Variants in NLGN4X observed in about 807,000 individuals in gnomAD.
The protein encoded by NLGN4X is neuroligin 4 X-linked.
In NLGN4X, 3 loss-of-function variants were observed where a neutral mutation model predicts 40.3. The ratio of observed to expected loss-of-function variants is 0.07; its 90% CI spans 0.03 to 0.19. The LOEUF (loss-of-function observed/expected upper bound fraction) is 0.19. Ranked by LOEUF, NLGN4X falls within the 10% of genes least tolerant of loss-of-function variation. The pLI, the probability that NLGN4X is intolerant of heterozygous loss-of-function variation, is 1.00. For missense variants in NLGN4X, 382 were observed against 708.3 expected (o/e 0.54, Z 5.23); for synonymous variants, 270 against 306.8 (o/e 0.88, Z 1.25).
At chrX:6,067,366 T>C (rs1230277966) in intron 2 of NLGN4X, among the ~76,000 whole-genome samples, 1 of 111,021 alleles carries the variant, frequency 9.0e-6, no homozygotes, top group Non-Finnish European at 1.9e-5. Flanking sequence ...GTTTTTCTCT[T>C]TTCCTCTACC....
At chrX:6,192,109 G>A (rs1001174782) in intron 1 of NLGN4X, among the ~76,000 whole-genome samples, 1 of 111,020 alleles carries the variant, frequency 9.0e-6, no homozygotes, top group Non-Finnish European at 1.9e-5. Context: ...GGCACTGAGC[G>A]TTGCATAGAC....
At chrX:6,210,895 C>T (rs1924548038) in intron 1 of NLGN4X, among the ~76,000 whole-genome samples, 1 of 112,251 alleles carries the variant, frequency 8.9e-6, no homozygotes, top group African/African-American at 3.2e-5. Flanking sequence ...TACAGAGGAA[C>T]TACTGTTGAT....
chrX:5,962,307 T>C (rs374141911), intron 3 of NLGN4X, among the ~76,000 whole-genome samples: 1 of 111,873 alleles, frequency 8.9e-6, no homozygotes, highest in East Asian at 2.8e-4. Flanking sequence ...GGGCAGAGCA[T>C]CCTATAAGGC....
chrX:5,932,806 A>T (rs1569138725), intron 3 of NLGN4X, among the ~76,000 whole-genome samples: 1 of 111,512 alleles, frequency 9.0e-6, no homozygotes, highest in Non-Finnish European at 1.9e-5. Context: ...GAGAAAAAAA[A>T]ATACAGAGGA....
chrX:6,123,199 C>A (rs2039462752), intron 2 of NLGN4X, among the ~76,000 whole-genome samples: 1 of 111,494 alleles, frequency 9.0e-6, no homozygotes, highest in African/African-American at 3.3e-5. Context: ...TTGAGTACCT[C>A]AAATGTAAAC....
At chrX:6,152,952 C>A (rs927107368) in intron 1 of NLGN4X, among the ~76,000 whole-genome samples, 1 of 112,303 alleles carries the variant, frequency 8.9e-6, no homozygotes, top group Non-Finnish European at 1.9e-5. Flanking sequence ...GATAATATAA[C>A]TATCCCTACA....
intron 3 of NLGN4X, among the ~76,000 whole-genome samples, chrX:6,022,153 T>C (rs2147195021): frequency 8.9e-6 from 1 of 112,259 alleles, no homozygotes; most frequent in South Asian, 3.7e-4. Context: ...GGTCCTGTTT[T>C]AGACAGAGAG....
intron 1 of NLGN4X, among the ~76,000 whole-genome samples, chrX:6,157,611 C>T (rs188155106): frequency 9.8e-5 from 11 of 111,782 alleles, no homozygotes; most frequent in African/African-American, 3.6e-4. Context: ...AAGATCAAGG[C>T]ATGGTAGATT....
At chrX:6,144,128 T>C (rs56079104) in intron 2 of NLGN4X, among the ~76,000 whole-genome samples, 1,698 of 111,214 alleles carry the variant, frequency 0.015, 19 homozygotes, top group Non-Finnish European at 0.026. Flanking sequence ...TACCTATCTC[T>C]CAAATTTTTA....
chrX:6,000,885 A>G (rs146744294), intron 3 of NLGN4X, among the ~76,000 whole-genome samples: 308 of 111,715 alleles, frequency 2.8e-3, no homozygotes, highest in African/African-American at 9.6e-3. Flanking sequence ...CACTCTCAGT[A>G]GCAATTTCCA....
At chrX:5,966,307 G>A (rs1272457888) in intron 3 of NLGN4X, among the ~76,000 whole-genome samples, 1 of 112,371 alleles carries the variant, frequency 8.9e-6, no homozygotes, top group African/African-American at 3.2e-5. Flanking sequence ...ATATGATGTT[G>A]AGTCATGTGT....
chrX:6,015,747 T>C (rs2036378226), intron 3 of NLGN4X, among the ~76,000 whole-genome samples: 1 of 111,969 alleles, frequency 8.9e-6, no homozygotes, highest in African/African-American at 3.2e-5. Flanking sequence ...GGCATCCTTA[T>C]ATTGTCTCCA....
Position 5,903,964 on chromosome X carries a change from T to A in NLGN4X, c.812-98A>T, listed in dbSNP as rs535178829. ...AGGCTGTGATTGTCTCTCAGGCATG[T>A]GAGTTTCTGGATGTAGTAGCATTCA... On this transcript the variant is annotated intron_variant, in intron 4 of 5. Transcript: ENST00000381095. The A allele has an allele frequency of 5.7e-6, 6 of 1,060,393 alleles. No individual in the cohort carries two copies. In the South Asian group the frequency reaches 1.2e-4, roughly 20 times the overall value. The allele number at this position is 1,060,393 out of a possible 1,213,427, so 87.4% of individuals were successfully genotyped here.
intron 3 of NLGN4X, among the ~76,000 whole-genome samples, chrX:6,023,142 C>A (rs1420290927): frequency 9.0e-6 from 1 of 111,465 alleles, no homozygotes; most frequent in Non-Finnish European, 1.9e-5. Context: ...ACACAGCAAG[C>A]CAGCAATGAC....
At chrX:6,152,062 C>T (rs1172549908) in intron 1 of NLGN4X, among the ~76,000 whole-genome samples, 4 of 111,170 alleles carry the variant, frequency 3.6e-5, no homozygotes, top group East Asian at 2.8e-4. Flanking sequence ...CCCATCCTCC[C>T]GCCTCACCCT....
chrX:6,023,999 CAAA>C (rs745656445), intron 3 of NLGN4X, among the ~76,000 whole-genome samples: 8 of 105,522 alleles, frequency 7.6e-5, no homozygotes, highest in Non-Finnish European at 1.6e-4. Flanking sequence ...ACAACAACAA[CAAA>C]AAAAAAACAG....
chrX:6,193,456 AT>A (rs200598453), intron 1 of NLGN4X, among the ~76,000 whole-genome samples: 27 of 95,897 alleles, frequency 2.8e-4, no homozygotes, highest in East Asian at 6.4e-4. Context: ...AACCTACTTG[AT>A]TTTTTTTTTC....
chrX:6,095,098 C>CGTGTGTGT (rs1308618584), intron 2 of NLGN4X, among the ~76,000 whole-genome samples: 1 of 22,260 alleles, frequency 4.5e-5, no homozygotes, highest in Admixed American at 6.7e-4. Flanking sequence ...TAAGTACGTG[C>CGTGTGTGT]GTGCGTGTGT....
intron 2 of NLGN4X, among the ~76,000 whole-genome samples, chrX:6,130,767 T>C (rs138661609): frequency 3.2e-4 from 36 of 112,396 alleles, no homozygotes; most frequent in Admixed American, 2.5e-3. Flanking sequence ...TTGAATCTAA[T>C]CAAGAACATG....
Sources: allele counts gnomAD v4.1 joint callset (sites outside exome capture counted in the v4.1 genomes callset), GRCh38; gene constraint gnomAD v4.1.1; transcripts MANE v1.5; gene names NCBI Gene and HGNC (gene_info 2026-07-23, HGNC 2026-07-21).